Variants in METTL17 observed in about 807,000 individuals in gnomAD.
METTL17 encodes methyltransferase like 17, also known as ribosome assembly protein METTL17, mitochondrial.
A neutral mutation model predicts 59.4 loss-of-function variants in METTL17; 49 were observed. The observed-to-expected ratio is 0.82, with a 90% confidence interval of 0.66 to 1.05. The LOEUF (loss-of-function observed/expected upper bound fraction) is 1.05, where lower values mean the gene tolerates loss of function less well. METTL17 is among the 50% of genes least tolerant of loss of function. METTL17 has a pLI of 0.00. For synonymous variants in METTL17, 208 were observed against 209.2 expected (o/e 0.99, Z 0.05); for missense variants, 555 against 578.4 (o/e 0.96, Z 0.41).
chr14:20,995,260 C>T, intron 10 of METTL17, 27 bp downstream of exon 10: 4 of 1,582,312 alleles, frequency 2.5e-6, no homozygotes, highest in Non-Finnish European at 3.5e-6. Flanking sequence ...CCTCACTCCC[C>T]CACCCATATG....
chr14:20,994,477 T>TGGATA, intron 7 of METTL17, 66 bp from the exon 8 acceptor site: 1 of 1,330,708 alleles, frequency 7.5e-7, no homozygotes, highest in Non-Finnish European at 1.1e-6. Flanking sequence ...GTTTCTTATC[T>TGGATA]GGATATCTCT....
rs773574389 is a variant in METTL17, at chr14:20,990,458, C to T, written c.230-6C>T. On this transcript the variant is annotated splice_region_variant and splice_polypyrimidine_tract_variant and intron_variant, in intron 2 of 13. Coordinates refer to ENST00000339374, the MANE Select transcript of METTL17 (RefSeq NM_022734.3). ...AGTGATTCCGCTTTTCGTCTTTGGC[C>T]CATAGGGAGCGCTGGGCCCACTATG... is the stretch of plus-strand genomic sequence containing the variant. The T allele has an allele frequency of 6.2e-7, 1 of 1,614,088 alleles. No homozygotes were observed. Among genetic ancestry groups the T allele is most frequent in the Non-Finnish European group, 8.5e-7 (1 of 1,180,000 alleles).
chr14:20,992,308 C>A, intron 4 of METTL17, 103 bp downstream of exon 4: 2 of 795,500 alleles, frequency 2.5e-6, no homozygotes, highest in Non-Finnish European at 4.2e-6. Flanking sequence ...TCTTTTATAT[C>A]ACCTGACCTT....
At chr14:20,995,322 C>A in intron 10 of METTL17, 89 bp downstream of exon 10, 2 of 1,174,558 alleles carry the variant, frequency 1.7e-6, no homozygotes, top group Non-Finnish European at 2.5e-6. Flanking sequence ...CATGTATTGA[C>A]AAGGGTGGCT....
chr14:20,993,474 A>C, intron 6 of METTL17: 3 of 416,414 alleles, frequency 7.2e-6, no homozygotes, highest in Non-Finnish European at 8.4e-6. Flanking sequence ...TTTTGAGTCT[A>C]CCTTTTTTTT....
At position 20,990,304 on chromosome 14, in the gene METTL17, C is replaced by G; in HGVS notation, c.150C>G (p.Arg50=). The G allele has an allele frequency of 6.2e-7, 1 of 1,614,256 alleles. No individual in the cohort carries two copies. Among genetic ancestry groups the G allele is most frequent in the Non-Finnish European group, 8.5e-7 (1 of 1,180,050 alleles). Residue 50 remains arginine (R), a synonymous_variant, in exon 2 of 14, where the codon CGC becomes CGG. Transcript: ENST00000339374. ...GTTTCCTGCAGAAGAGGCCTCATCG[C>G]CAGCACCCTGGCATCCTAAAGCTGC... ...KSGFLQKRPH[R]QHPGILKLPH... is the part of the protein sequence containing the mutation.
At chr14:20,993,843 A>G in intron 6 of METTL17, 126 bp from the exon 7 acceptor site, 1 of 574,900 alleles carries the variant, frequency 1.7e-6, no homozygotes. Flanking sequence ...TTTTATTACT[A>G]ACTATACAAC....
At position 20,995,924 on chromosome 14, in the gene METTL17, C is replaced by T. The variant is rs1880341900; in HGVS notation, c.969C>T (p.Asp323=). Residue 323 remains aspartate (D), a synonymous_variant, in exon 11 of 14, where the codon GAC becomes GAT. Coordinates refer to ENST00000339374, the MANE Select transcript of METTL17 (RefSeq NM_022734.3). ...AGGGAAAAGAGAAGTCACCTTTGGA[C>T]CCTCGACCTGGTTTTGTCTTTGCCC... The part of the protein sequence containing the change: ...VLKGKEKSPL[D]PRPGFVFAPC... 9 of 1,614,134 alleles carry T rather than the reference C, an allele frequency of 5.6e-6. No homozygotes were observed. The East Asian group carries it at 2.0e-4, about 36-fold the overall frequency.
chr14:20,993,588 C>T (rs1189988866), intron 6 of METTL17: 9 of 223,684 alleles, frequency 4.0e-5, no homozygotes, highest in Non-Finnish European at 7.1e-5. Flanking sequence ...GATTCTCCTG[C>T]CTCACCCTCC....
At chr14:20,991,965 T>C (rs1880049189) in intron 3 of METTL17, 159 bp from the exon 4 acceptor site, 2 of 638,832 alleles carry the variant, frequency 3.1e-6, no homozygotes, top group South Asian at 3.7e-5. Context: ...TTACCGTTAA[T>C]TCTTGCCTGA....
Position 20,990,025 on chromosome 14 carries a change from T to A in METTL17, c.23T>A (p.Leu8Gln). 1 of 1,611,944 alleles carries A rather than the reference T, an allele frequency of 6.2e-7. No individual in the cohort carries two copies. The highest frequency in any genetic ancestry group is 8.5e-7 in the Non-Finnish European group (1 of 1,179,038). The change falls in exon 1 of 14, where the codon CTA (leucine) becomes CAA (glutamine). Residue 8 changes from leucine (L) to glutamine (Q), a missense_variant. Transcript: ENST00000339374. Reference sequence around the variant, plus strand: ...GCCATGGCGGCGGCACTGAAGTGTCTACTGACATTAGGAAGATGGTGCCCC... The same window carrying A: ...GCCATGGCGGCGGCACTGAAGTGTCAACTGACATTAGGAAGATGGTGCCCC... MAAALKC[L>Q]LTLGRWCPGL...
At position 20,996,215 on chromosome 14, in the gene METTL17, C is replaced by G; in HGVS notation, c.1003C>G (p.His335Asp). Residue 335 changes from histidine (H) to aspartate (D), a missense_variant, in exon 12 of 14, where the codon CAT (histidine) becomes GAT (aspartate). By Grantham distance (81) the His-to-Asp change is moderately conservative. Transcript: ENST00000339374. Reference sequence around the variant, plus strand: ...TTTTTTTATGTGTTCACAGTGTCCCCATGAACTCCCTTGTCCCCAGTTGAC... The same window carrying G: ...TTTTTTTATGTGTTCACAGTGTCCCGATGAACTCCCTTGTCCCCAGTTGAC... ...RPGFVFAPCP[H>D]ELPCPQLTNL... The G allele has an allele frequency of 6.2e-7, 1 of 1,613,740 alleles. No homozygotes were observed. Among genetic ancestry groups the G allele is most frequent in the Non-Finnish European group, 8.5e-7 (1 of 1,179,664 alleles).
chr14:20,990,058 GAGTGGCTCCCC>G lies in METTL17; in HGVS notation c.59_69del (p.Val20GlyfsTer16). The G allele has an allele frequency of 6.2e-7, 1 of 1,613,408 alleles. No individual in the cohort carries two copies. The highest frequency in any genetic ancestry group is 8.5e-7 in the Non-Finnish European group (1 of 1,179,992). On this transcript the variant is annotated frameshift_variant, in exon 1 of 14. Coordinates refer to ENST00000339374, the MANE Select transcript of METTL17 (RefSeq NM_022734.3). LOFTEE classifies it high-confidence loss of function. ...TTAGGAAGATGGTGCCCCGGCCTTG[GAGTGGCTCCCC>G]AGGCCCGGGTGAGTGCCTACATTCC...
chr14:20,996,462 G>C, intron 12 of METTL17, 65 bp from the exon 13 acceptor site: 1 of 1,551,276 alleles, frequency 6.4e-7, no homozygotes, highest in East Asian at 2.3e-5. Flanking sequence ...TGGGGAAGAA[G>C]GGACTGTACA....
At chr14:20,991,551 G>A (rs1167295335) in intron 3 of METTL17, among the ~76,000 whole-genome samples, 1 of 151,090 alleles carries the variant, frequency 6.6e-6, no homozygotes, top group African/African-American at 2.4e-5. Context: ...TTTTTTTTGA[G>A]ACAGAGTCTT....
In METTL17 at chr14:20,993,962, A is replaced by G; in HGVS notation, c.603-7A>G. The G allele has an allele frequency of 1.2e-6, 2 of 1,610,978 alleles. No individual in the cohort carries two copies. The highest frequency in any genetic ancestry group is 1.7e-6 in the Non-Finnish European group (2 of 1,177,996). On this transcript the variant is annotated splice_region_variant and splice_polypyrimidine_tract_variant and intron_variant, in intron 6 of 13. Coordinates refer to ENST00000339374, the MANE Select transcript of METTL17 (RefSeq NM_022734.3). ...ATTGGTGATTTATAATAATTTTGCC[A>G]TCTTAGGGCTGCTCACAGTATTTGG...
At chr14:20,990,894 G>C (rs1056345667) in intron 3 of METTL17, among the ~76,000 whole-genome samples, 7 of 152,040 alleles carry the variant, frequency 4.6e-5, no homozygotes, top group African/African-American at 1.4e-4. Context: ...TGTAATGCTC[G>C]ATCTCGGCTC....
Position 20,992,596 on chromosome 14 carries a change from G to A in METTL17, c.502G>A (p.Ala168Thr). ...YMAARLDGGF[A>T]AVSRAFHEIR... ...GGCAGCAAGACTGGATGGTGGCTTT[G>A]CAGCAGTCTCCAGAGCATTCCATGA... The change falls in exon 5 of 14, where the codon GCA becomes ACA. Residue 168 changes from alanine (A) to threonine (T), a missense_variant. By Grantham distance (58) the Ala-to-Thr change is moderately conservative. Transcript: ENST00000339374. 1 of 1,614,118 alleles carries A rather than the reference G, an allele frequency of 6.2e-7. No homozygotes were observed. The highest frequency in any genetic ancestry group is 1.7e-5 in the Admixed American group (1 of 60,032).
chr14:20,991,131 A>C (rs1297515539), intron 3 of METTL17, among the ~76,000 whole-genome samples: 1 of 152,012 alleles, frequency 6.6e-6, no homozygotes, highest in African/African-American at 2.4e-5. Context: ...CCTGGCTACC[A>C]ATATACTGTT....
Sources: gnomAD v4.1 joint callset for allele counts (sites outside exome capture counted in the v4.1 genomes callset) on GRCh38, gnomAD v4.1.1 for gene constraint, MANE v1.5 for transcripts, NCBI Gene and HGNC (gene_info 2026-07-23, HGNC 2026-07-21) for gene names.